SLC22A23: variants seen among roughly 807,000 people sequenced by gnomAD.
The protein encoded by SLC22A23 is solute carrier family 22 member 23.
Under a neutral mutation model 61.0 loss-of-function variants are expected in SLC22A23, and 26 were observed. The observed-to-expected ratio is 0.43, with a 90% confidence interval of 0.31 to 0.59. The LOEUF is 0.59. Ranked by LOEUF, SLC22A23 falls within the 20% of genes least tolerant of loss-of-function variation. The pLI, the probability that SLC22A23 is intolerant of heterozygous loss-of-function variation, is 0.11. For missense variants in SLC22A23, 796 were observed against 934.7 expected, an observed-to-expected ratio of 0.85 and a Z score of 1.94; for synonymous variants, 430 against 413.9, an observed-to-expected ratio of 1.04 and a Z score of -0.47.
At chr6:3,425,540 T>A (rs1770437800) in intron 1 of SLC22A23, among the ~76,000 whole-genome samples, 1 of 152,134 alleles carries the variant, frequency 6.6e-6, no homozygotes, top group African/African-American at 2.4e-5. Flanking sequence ...CACCTCGGCC[T>A]CCCAAAGCGC....
At chr6:3,417,231 G>T (rs2127524651) in intron 1 of SLC22A23, among the ~76,000 whole-genome samples, 2 of 152,262 alleles carry the variant, frequency 1.3e-5, no homozygotes, top group Admixed American at 1.3e-4. Flanking sequence ...TGGACTCCTT[G>T]GGACACACAC....
intron 3 of SLC22A23, among the ~76,000 whole-genome samples, chr6:3,344,990 A>T (rs1764342638): frequency 6.6e-6 from 1 of 152,252 alleles, no homozygotes; most frequent in Non-Finnish European, 1.5e-5. Flanking sequence ...AACTTCCTTT[A>T]TACAAAGAAA....
At chr6:3,375,800 C>G (rs1272316835) in intron 3 of SLC22A23, among the ~76,000 whole-genome samples, 2 of 152,176 alleles carry the variant, frequency 1.3e-5, no homozygotes, top group African/African-American at 4.8e-5. Context: ...TTTAATGGAG[C>G]AGAATGAAAA....
chr6:3,331,029 T>C (rs1164895619), intron 3 of SLC22A23, among the ~76,000 whole-genome samples: 4 of 152,212 alleles, frequency 2.6e-5, no homozygotes, highest in Admixed American at 2.0e-4. Context: ...TTGGGAGGTA[T>C]TTTTCCTGTG....
Position 3,456,589 on chromosome 6 carries a change from C to CAT in SLC22A23, c.-32_-31dup. 1 of 982,112 alleles carries CAT rather than the reference C, an allele frequency of 1.0e-6. No homozygotes were observed. Among genetic ancestry groups the CAT allele is most frequent in the Non-Finnish European group, 1.2e-6 (1 of 829,400 alleles). The allele number at this position is 982,112 out of a possible 1,614,324, so 60.8% of individuals were successfully genotyped here. A position where few individuals can be genotyped will look rare whatever the true frequency, so the allele number is the denominator to read the frequency against. On this transcript the variant is annotated 5_prime_UTR_variant, in exon 1 of 10. It adds an upstream start codon to the 5' untranslated region. Coordinates refer to ENST00000406686, the MANE Select transcript of SLC22A23 (RefSeq NM_015482.2). The surrounding 1 kb of genome is among the most constrained non-coding windows in gnomAD (Gnocchi z 7.1). ...CGGGCCCGCGGCTCCCGCAGAGGCGCATAGAGCGCGGCGGAGGCTCCGCGG... is the reference window on the plus strand; with the variant it reads ...CGGGCCCGCGGCTCCCGCAGAGGCGCATATAGAGCGCGGCGGAGGCTCCGCGG...
At chr6:3,435,593 T>A (rs1771154791) in intron 1 of SLC22A23, among the ~76,000 whole-genome samples, 2 of 152,130 alleles carry the variant, frequency 1.3e-5, no homozygotes, top group African/African-American at 4.8e-5. Context: ...ACAGACAGAC[T>A]GGACGGAAAG....
chr6:3,411,295 T>C (rs979422040), intron 2 of SLC22A23, among the ~76,000 whole-genome samples: 3 of 152,166 alleles, frequency 2.0e-5, no homozygotes, highest in African/African-American at 7.2e-5. Context: ...TGGATGCTAT[T>C]TGCCAGGAGA....
intron 1 of SLC22A23, among the ~76,000 whole-genome samples, chr6:3,429,273 A>G (rs1352029176): frequency 6.6e-6 from 1 of 152,224 alleles, no homozygotes; most frequent in Admixed American, 6.5e-5. Context: ...CCAAGAAAAT[A>G]AAAATAACTA....
In SLC22A23 at chr6:3,390,073, C is replaced by T. The variant is rs768231915; in HGVS notation, c.913+20115G>A. Among the ~76,000 whole-genome samples, 2 of 152,188 alleles carry T rather than the reference C, an allele frequency of 1.3e-5. No homozygotes were observed. Among genetic ancestry groups the T allele is most frequent in the Non-Finnish European group, 2.9e-5 (2 of 68,044 alleles). ...TGAAATGAACAGAGTTCTCCTGGCA[C>T]GGCATCACTGGGCCAGTTGCCACCA... On this transcript the variant is annotated intron_variant, in intron 3 of 9. Transcript: ENST00000406686. This position sits in a 1 kb window ranked among gnomAD's most constrained non-coding sequence, Gnocchi z 4.0.
chr6:3,269,574 C>T lies in SLC22A23; in HGVS notation c.*3481G>A, dbSNP rs1399280336. 6.5e-6 allele frequency: 1 copy of T among 152,850 alleles called. No individual in the cohort carries two copies. The highest frequency in any genetic ancestry group is 1.5e-5 in the Non-Finnish European group (1 of 68,056). The allele number at this position is 152,850 out of a possible 1,614,324, so 9.5% of individuals were successfully genotyped here. On this transcript the variant is annotated 3_prime_UTR_variant, in exon 10 of 10. Coordinates refer to ENST00000406686, the MANE Select transcript of SLC22A23 (RefSeq NM_015482.2). ...CTGTGAACGACAGTTCAGAACTCAG[C>T]GTAAGCTTGTGCTATGAACGAGCAC... is the stretch of plus-strand genomic sequence containing the variant.
chr6:3,346,675 T>G (rs1431970859), intron 3 of SLC22A23, among the ~76,000 whole-genome samples: 1 of 152,056 alleles, frequency 6.6e-6, no homozygotes, highest in Non-Finnish European at 1.5e-5. Context: ...AGCTGCACCA[T>G]CCCACAGCCT....
intron 4 of SLC22A23, chr6:3,312,927 G>A (rs1466373498): frequency 6.6e-6 from 1 of 152,184 alleles, no homozygotes; most frequent in East Asian, 1.9e-4. Context: ...CTGGCCTGGA[G>A]CAACCCCAGC....
At chr6:3,443,986 C>T (rs1468555217) in intron 1 of SLC22A23, among the ~76,000 whole-genome samples, 1 of 152,104 alleles carries the variant, frequency 6.6e-6, no homozygotes, top group Non-Finnish European at 1.5e-5. Context: ...CCACCTGCTG[C>T]CCTGCATCTT....
At chr6:3,440,092 T>G (rs1020931187) in intron 1 of SLC22A23, among the ~76,000 whole-genome samples, 1 of 151,838 alleles carries the variant, frequency 6.6e-6, no homozygotes, top group African/African-American at 2.4e-5. Context: ...ACCAAAACAC[T>G]GGGATTTAGG....
chr6:3,385,869 G>A (rs565619047), intron 3 of SLC22A23, among the ~76,000 whole-genome samples: 17 of 152,326 alleles, frequency 1.1e-4, no homozygotes, highest in African/African-American at 2.9e-4. Context: ...ACAGAGAGAC[G>A]TATTAGAGCT....
At chr6:3,405,533 C>T (rs1435161806) in intron 3 of SLC22A23, among the ~76,000 whole-genome samples, 1 of 152,192 alleles carries the variant, frequency 6.6e-6, no homozygotes, top group Non-Finnish European at 1.5e-5. Flanking sequence ...GTAGCTGAAG[C>T]CATTTCTAGT....
intron 6 of SLC22A23, among the ~76,000 whole-genome samples, chr6:3,289,137 G>C (rs1760326652): frequency 6.6e-6 from 1 of 152,180 alleles, no homozygotes; most frequent in South Asian, 2.1e-4. Context: ...TGCACAGTCA[G>C]GGCCACTGAG....
chr6:3,422,330 C>T (rs1208216527), intron 1 of SLC22A23, among the ~76,000 whole-genome samples: 1 of 152,104 alleles, frequency 6.6e-6, no homozygotes, highest in South Asian at 2.1e-4. Context: ...ATGGCAAGAA[C>T]ACACACACAG....
At chr6:3,445,082 C>G (rs981873171) in intron 1 of SLC22A23, 6 of 593,184 alleles carry the variant, frequency 1.0e-5, no homozygotes, top group Non-Finnish European at 1.3e-5. Flanking sequence ...CCCTCAAGGT[C>G]AGGCAGCACT....
Sources: allele counts gnomAD v4.1 joint callset (sites outside exome capture counted in the v4.1 genomes callset), GRCh38; gene constraint gnomAD v4.1.1; non-coding constraint Gnocchi (gnomAD v3.1); transcripts MANE v1.5; gene names NCBI Gene and HGNC (gene_info 2026-07-23, HGNC 2026-07-21).